Variants in KIF13A observed in about 807,000 individuals in gnomAD.
The protein encoded by KIF13A is kinesin family member 13A, also known as kinesin-like protein KIF13A.
Under a neutral mutation model 212.2 loss-of-function variants are expected in KIF13A, and 79 were observed. The observed-to-expected ratio is 0.37, with a 90% CI of 0.31 to 0.45. The LOEUF (loss-of-function observed/expected upper bound fraction) is 0.45. Among genes scored for constraint, KIF13A ranks in the 20% least tolerant of loss-of-function variants. The pLI is 1.00. For synonymous variants in KIF13A, 789 were observed against 808.6 expected (o/e 0.98, Z 0.41); for missense variants, 1,901 against 2,209.0 (o/e 0.86, Z 2.79).
chr6:17,933,171 A>G (rs28469129), intron 2 of KIF13A, among the ~76,000 whole-genome samples: 2 of 152,174 alleles, frequency 1.3e-5, no homozygotes, highest in Non-Finnish European at 2.9e-5. Context: ...AGAGTTGTCA[A>G]GTGATGGGAA....
At position 17,787,722 on chromosome 6, in the gene KIF13A, C is replaced by G; in HGVS notation, c.3361+54G>C. 1.0e-6 allele frequency: 1 copy of G among 986,938 alleles called. No individual in the cohort carries two copies. The highest frequency in any genetic ancestry group is 1.6e-6 in the Non-Finnish European group (1 of 611,284). 61.1% of individuals were successfully genotyped at this position (986,938 alleles called of 1,614,324 possible). On this transcript the variant is annotated intron_variant, in intron 27 of 38. Coordinates refer to ENST00000259711, the MANE Select transcript of KIF13A (RefSeq NM_022113.6). This position sits in a 1 kb window ranked among gnomAD's most constrained non-coding sequence, Gnocchi z 4.6. Reference sequence around the variant, plus strand: ...TTAGGGGAAGAAAACGACCTACTGCCATTGTGTAAAAGTGAAAAAGCTACT... The same window carrying G: ...TTAGGGGAAGAAAACGACCTACTGCGATTGTGTAAAAGTGAAAAAGCTACT...
chr6:17,764,339 A>G lies in KIF13A; in HGVS notation c.5189T>C (p.Leu1730Pro). The change falls in exon 39 of 39, where the codon CTT becomes CCT. Residue 1730 changes from leucine (L) to proline (P), a missense_variant. By Grantham distance (98) the Leu-to-Pro change is moderately conservative (BLOSUM62 -3). Around this residue, in one of 5 missense-constraint regions of KIF13A, gnomAD observed 687 missense variants for 759.1 expected, o/e 0.90. Transcript: ENST00000259711. The surrounding 1 kb of genome is among the most constrained non-coding windows in gnomAD (Gnocchi z 5.1). ...EVTVEHTTNI[L>P]EDHSFTEFMG... ...AAATTCTGTGAAAGAATGGTCTTCA[A>G]GGATGTTGGTGGTGTGTTCTACCGT... 4 of 1,613,940 alleles carry G rather than the reference A, an allele frequency of 2.5e-6. No homozygotes were observed. The highest frequency in any genetic ancestry group is 3.4e-6 in the Non-Finnish European group (4 of 1,179,880).
At chr6:17,986,021 A>G (rs1781521548) in intron 2 of KIF13A, among the ~76,000 whole-genome samples, 1 of 152,324 alleles carries the variant, frequency 6.6e-6, no homozygotes, top group South Asian at 2.1e-4. Flanking sequence ...CACACATTAT[A>G]GAATGGAGGC....
At chr6:17,807,511 T>C (rs1371273686) in intron 18 of KIF13A, among the ~76,000 whole-genome samples, 1 of 151,370 alleles carries the variant, frequency 6.6e-6, no homozygotes, top group Admixed American at 6.6e-5. Flanking sequence ...GGTTCTCTGC[T>C]CTCGAACCCT....
rs1223761662 is a variant in KIF13A, at chr6:17,798,407, TA to T, written c.2790+858del. On this transcript the variant is annotated intron_variant, in intron 22 of 38. Coordinates refer to ENST00000259711, the MANE Select transcript of KIF13A (RefSeq NM_022113.6). ...TAAAATAATATTCAGAGAACAACAA[TA>T]AAAAATGATTAATAAAGATTTTGAG... Among the ~76,000 whole-genome samples the T allele has an allele frequency of 4.6e-5, 7 of 152,116 alleles. No individual in the cohort carries two copies. In the East Asian group the frequency reaches 9.6e-4, roughly 21 times the overall value.
chr6:17,866,896 TAC>T (rs1418417690), intron 4 of KIF13A, among the ~76,000 whole-genome samples: 2 of 145,702 alleles, frequency 1.4e-5, no homozygotes, highest in African/African-American at 5.1e-5. Flanking sequence ...CACATATATA[TAC>T]ACTTAAAAAA....
Position 17,961,443 on chromosome 6 carries a change from C to T in KIF13A, c.146+25611G>A, listed in dbSNP as rs1778807326. ...AACAAGCACCAAGCATATTGTAAGCCCTTTATATTCTCCCCGAATTAGGTT... is the reference window on the plus strand; with the variant it reads ...AACAAGCACCAAGCATATTGTAAGCTCTTTATATTCTCCCCGAATTAGGTT... On this transcript the variant is annotated intron_variant, in intron 2 of 38. Transcript: ENST00000259711. This position sits in a 1 kb window ranked among gnomAD's most constrained non-coding sequence, Gnocchi z 4.1. 6.6e-6 allele frequency among the ~76,000 whole-genome samples: 1 copy of T among 152,140 alleles called. No homozygotes were observed. The highest frequency in any genetic ancestry group is 2.1e-4 in the South Asian group (1 of 4,826).
In KIF13A at chr6:17,809,452, T is replaced by C. The variant is rs1763249227; in HGVS notation, c.2001-522A>G. ...TTGCTGATAAAAAGCTTCTCTAATA[T>C]CCCAGATTGGTCAAAACCCTCTTAT... On this transcript the variant is annotated intron_variant, in intron 17 of 38. Transcript: ENST00000259711. The surrounding 1 kb of genome is among the most constrained non-coding windows in gnomAD (Gnocchi z 4.7). Among the ~76,000 whole-genome samples the C allele has an allele frequency of 6.6e-6, 1 of 152,226 alleles. No individual in the cohort carries two copies. Among genetic ancestry groups the C allele is most frequent in the South Asian group, 2.1e-4 (1 of 4,828 alleles).
At position 17,776,168 on chromosome 6, in the gene KIF13A, G is replaced by A. The variant is rs928996650; in HGVS notation, c.4171-1106C>T. ...GCTGGGATTATAAGCGTGAGCCACC[G>A]TGCCCGATCTTCTTTACTTTTTAAG... On this transcript the variant is annotated intron_variant, in intron 34 of 38. Coordinates refer to ENST00000259711, the MANE Select transcript of KIF13A (RefSeq NM_022113.6). The surrounding 1 kb of genome is among the most constrained non-coding windows in gnomAD (Gnocchi z 4.6). Among the ~76,000 whole-genome samples, 7 of 152,034 alleles carry A rather than the reference G, an allele frequency of 4.6e-5. No homozygotes were observed. Among genetic ancestry groups the A allele is most frequent in the Admixed American group, 2.0e-4 (3 of 15,258 alleles).
intron 16 of KIF13A, among the ~76,000 whole-genome samples, chr6:17,819,538 G>C (rs186327351): frequency 6.6e-6 from 1 of 152,014 alleles, no homozygotes; most frequent in East Asian, 1.9e-4. Flanking sequence ...CTCCAGCCTG[G>C]GCAACAGAGT....
At chr6:17,847,111 C>T (rs1037320871) in intron 9 of KIF13A, among the ~76,000 whole-genome samples, 1 of 151,498 alleles carries the variant, frequency 6.6e-6, no homozygotes, top group African/African-American at 2.4e-5. Flanking sequence ...TCCACATCTA[C>T]GCCAGTCATA....
chr6:17,861,843 C>T (rs139599927), intron 4 of KIF13A, among the ~76,000 whole-genome samples: 20 of 152,206 alleles, frequency 1.3e-4, no homozygotes, highest in African/African-American at 3.6e-4. Context: ...ATCTGCCTAT[C>T]GGTCTTACCT....
intron 34 of KIF13A, 115 bp from the exon 35 acceptor site, chr6:17,775,177 C>T: frequency 1.3e-6 from 1 of 740,932 alleles, no homozygotes; most frequent in Non-Finnish European, 2.2e-6. Context: ...TTCTTCTCCT[C>T]CTCTTTCTTC....
At chr6:17,830,243 A>G (rs913858425) in intron 13 of KIF13A, among the ~76,000 whole-genome samples, 1 of 152,246 alleles carries the variant, frequency 6.6e-6, no homozygotes, top group Non-Finnish European at 1.5e-5. Flanking sequence ...CAATAGAAAC[A>G]TGAACATGTT....
Position 17,783,636 on chromosome 6 carries a change from G to A in KIF13A, c.3544+10C>T, listed in dbSNP as rs539771365. The A allele has an allele frequency of 1.9e-6, 3 of 1,539,818 alleles. No homozygotes were observed. Among genetic ancestry groups the A allele is most frequent in the South Asian group, 1.2e-5 (1 of 85,050 alleles). The stretch of plus-strand genomic sequence containing the variant: ...TACAATAATCCCTGTGACTTTAAGT[G>A]TCTACTTACCATTCAAATCGAGGAA... On this transcript the variant is annotated intron_variant, in intron 29 of 38. Transcript: ENST00000259711. This position sits in a 1 kb window ranked among gnomAD's most constrained non-coding sequence, Gnocchi z 4.3.
chr6:17,794,893 A>G lies in KIF13A; in HGVS notation c.2943-189T>C, dbSNP rs1761899935. 1 of 575,250 alleles carries G rather than the reference A, an allele frequency of 1.7e-6. No homozygotes were observed. The highest frequency in any genetic ancestry group is 1.9e-5 in the African/African-American group (1 of 53,112). 35.6% of individuals were successfully genotyped at this position (575,250 alleles called of 1,614,324 possible). ...TTGTTTCTTTTTATTTATTTTACTG[A>G]GGTAGACTGAAATGTCCACATCTTG... On this transcript the variant is annotated intron_variant, in intron 23 of 38. Transcript: ENST00000259711. The surrounding 1 kb of genome is among the most constrained non-coding windows in gnomAD (Gnocchi z 4.1).
intron 4 of KIF13A, among the ~76,000 whole-genome samples, chr6:17,866,062 T>C (rs745977002): frequency 6.6e-6 from 1 of 152,196 alleles, no homozygotes; most frequent in Non-Finnish European, 1.5e-5. Flanking sequence ...CTGTGAAGAA[T>C]GTCTTACAGA....
At position 17,826,598 on chromosome 6, in the gene KIF13A, G is replaced by GAC. The variant is rs144226666; in HGVS notation, c.1533-476_1533-475dup. ...AGGCAGAGAGAGACAGGGATAAACA[G>GAC]ACACACACACACACAGAAGAGAGGA... On this transcript the variant is annotated intron_variant, in intron 14 of 38. Coordinates refer to ENST00000259711, the MANE Select transcript of KIF13A (RefSeq NM_022113.6). The surrounding 1 kb of genome is among the most constrained non-coding windows in gnomAD (Gnocchi z 4.7). 1.8e-3 allele frequency among the ~76,000 whole-genome samples: 272 copies of GAC among 151,370 alleles called. 1 individual carries two copies. Among genetic ancestry groups the GAC allele is most frequent in the African/African-American group, 5.9e-3 (243 of 41,324 alleles).
Position 17,855,503 on chromosome 6 carries a change from A to T in KIF13A, c.428T>A (p.Phe143Tyr). The change falls in exon 6 of 39, where the codon TTT (phenylalanine) becomes TAT (tyrosine). Residue 143 changes from phenylalanine (F) to tyrosine (Y), a missense_variant. Coordinates refer to ENST00000259711, the MANE Select transcript of KIF13A (RefSeq NM_022113.6). The surrounding 1 kb of genome is among the most constrained non-coding windows in gnomAD (Gnocchi z 4.1). ...TTCCATATAGGACACTTCAACTTTA[A>T]AGGTCTGTGACTCATTTTGCTCCAA... Reference protein sequence around the residue: ...ISLEQNESQTFKVEVSYMEIY... With the variant: ...ISLEQNESQTYKVEVSYMEIY... The T allele has an allele frequency of 2.5e-6, 4 of 1,613,820 alleles. No homozygotes were observed. Among genetic ancestry groups the T allele is most frequent in the Non-Finnish European group, 2.5e-6 (3 of 1,179,788 alleles).
Sources: allele counts gnomAD v4.1 joint callset (sites outside exome capture counted in the v4.1 genomes callset), GRCh38; gene constraint gnomAD v4.1.1; regional missense constraint gnomAD v4.1.1; non-coding constraint Gnocchi (gnomAD v3.1); transcripts MANE v1.5; gene names NCBI Gene and HGNC (gene_info 2026-07-23, HGNC 2026-07-21).